Variants in FCHSD2 observed in about 807,000 individuals in gnomAD.
FCHSD2 encodes F-BAR and double SH3 domains protein 2.
FCHSD2 carries 38 observed loss-of-function variants against 108.1 expected under a neutral mutation model. The observed-to-expected ratio is 0.35, with a 90% CI of 0.27 to 0.46. The LOEUF is 0.46. Among genes scored for constraint, FCHSD2 ranks in the 20% least tolerant of loss-of-function variants. The probability of loss-of-function intolerance (pLI) is 1.00; values close to 1 mark genes in which losing one functional copy is unlikely to be tolerated. For missense variants in FCHSD2, 751 were observed against 897.8 expected (o/e 0.84, Z 2.09); for synonymous variants, 279 against 314.7 (o/e 0.89, Z 1.20).
chr11:73,134,322 T>C (rs1206005159), intron 2 of FCHSD2, among the ~76,000 whole-genome samples: 1 of 151,834 alleles, frequency 6.6e-6, no homozygotes, highest in African/African-American at 2.4e-5. Flanking sequence ...AATACAAAAT[T>C]AGCCAGGCAT....
intron 2 of FCHSD2, among the ~76,000 whole-genome samples, chr11:73,120,029 G>C (rs1860694618): frequency 6.6e-6 from 1 of 151,708 alleles, no homozygotes; most frequent in Non-Finnish European, 1.5e-5. Flanking sequence ...AAGGCAAAGA[G>C]GGAATGAGGA....
At chr11:73,126,429 G>A (rs763075956) in intron 2 of FCHSD2, among the ~76,000 whole-genome samples, 3 of 141,160 alleles carry the variant, frequency 2.1e-5, no homozygotes, top group Non-Finnish European at 4.6e-5. Flanking sequence ...TCCCAACTTT[G>A]TGCTACAACC....
intron 19 of FCHSD2, among the ~76,000 whole-genome samples, chr11:72,840,497 G>A (rs542551570): frequency 6.6e-6 from 1 of 152,236 alleles, no homozygotes; most frequent in East Asian, 1.9e-4. Flanking sequence ...AGGCCATGAA[G>A]TTAGCTTATT....
chr11:72,858,845 C>T (rs1221885374), intron 13 of FCHSD2, among the ~76,000 whole-genome samples: 1 of 152,164 alleles, frequency 6.6e-6, no homozygotes, highest in Non-Finnish European at 1.5e-5. Flanking sequence ...TATCAGGGAT[C>T]AGATTTAACC....
At chr11:73,104,647 C>T (rs1649980545) in intron 2 of FCHSD2, among the ~76,000 whole-genome samples, 2 of 152,192 alleles carry the variant, frequency 1.3e-5, no homozygotes, top group South Asian at 4.1e-4. Context: ...CATCTCACTG[C>T]AACCTTCACC....
chr11:73,141,681 G>A (rs1565111064), intron 1 of FCHSD2, among the ~76,000 whole-genome samples, 176 bp downstream of exon 1: 1 of 152,142 alleles, frequency 6.6e-6, no homozygotes, highest in East Asian at 1.9e-4. Context: ...CCCCTCTGTC[G>A]GAAAGGCAAC....
intron 18 of FCHSD2, 108 bp from the exon 19 acceptor site, chr11:72,841,067 C>G (rs1437251767): frequency 5.0e-6 from 4 of 805,170 alleles, no homozygotes; most frequent in Non-Finnish European, 8.3e-6. Context: ...CTTTGGGATA[C>G]TGAGGCGGGA....
chr11:72,908,249 A>T (rs1855676181), intron 9 of FCHSD2, among the ~76,000 whole-genome samples: 1 of 152,170 alleles, frequency 6.6e-6, no homozygotes, highest in Non-Finnish European at 1.5e-5. Context: ...TCCATTGTGT[A>T]TATATACCAC....
intron 3 of FCHSD2, among the ~76,000 whole-genome samples, chr11:73,032,627 A>T (rs1268638696): frequency 2.0e-5 from 3 of 152,012 alleles, no homozygotes; most frequent in African/African-American, 7.2e-5. Flanking sequence ...TCAAGAAGTC[A>T]CCATTTGGTG....
intron 13 of FCHSD2, among the ~76,000 whole-genome samples, chr11:72,866,666 T>C (rs1264794682): frequency 6.6e-6 from 1 of 152,216 alleles, no homozygotes; most frequent in Non-Finnish European, 1.5e-5. Flanking sequence ...TTAACATTAA[T>C]AGTTAAATGA....
At chr11:72,874,116 A>C (rs184593267) in intron 12 of FCHSD2, among the ~76,000 whole-genome samples, 57 of 152,296 alleles carry the variant, frequency 3.7e-4, no homozygotes, top group Middle Eastern at 3.4e-3. Context: ...AATGTGCCTA[A>C]GTTTATCTTT....
chr11:73,000,900 G>T (rs940088615), intron 5 of FCHSD2, 90 bp downstream of exon 5: 2 of 1,176,394 alleles, frequency 1.7e-6, no homozygotes, highest in African/African-American at 3.1e-5. Context: ...GGACCATATA[G>T]TTTTAAATAA....
chr11:72,942,069 G>C (rs1856430617), intron 8 of FCHSD2, among the ~76,000 whole-genome samples: 3 of 152,190 alleles, frequency 2.0e-5, no homozygotes, highest in Admixed American at 2.0e-4. Flanking sequence ...GTCGAAATGT[G>C]ATCTCCAATG....
At chr11:73,102,129 T>A (rs571788739) in intron 2 of FCHSD2, among the ~76,000 whole-genome samples, 25 of 152,364 alleles carry the variant, frequency 1.6e-4, no homozygotes, top group African/African-American at 5.5e-4. Context: ...AGTGAAAAGA[T>A]GCTTAACATC....
intron 13 of FCHSD2, among the ~76,000 whole-genome samples, chr11:72,857,814 C>A (rs942266597): frequency 6.6e-6 from 1 of 152,008 alleles, no homozygotes; most frequent in African/African-American, 2.4e-5. Context: ...TGGGAGCCAT[C>A]TTCTTGTACT....
intron 4 of FCHSD2, among the ~76,000 whole-genome samples, chr11:73,001,415 A>C (rs537806473): frequency 6.6e-6 from 1 of 152,318 alleles, no homozygotes; most frequent in South Asian, 2.1e-4. Flanking sequence ...AAATTAGTGA[A>C]TATTTCAGAC....
At chr11:72,986,102 G>C (rs1197001835) in intron 6 of FCHSD2, among the ~76,000 whole-genome samples, 1 of 152,110 alleles carries the variant, frequency 6.6e-6, no homozygotes, top group African/African-American at 2.4e-5. Context: ...AAAACATTCA[G>C]GGATGAACAC....
chr11:73,115,473 A>G (rs2135551211), intron 2 of FCHSD2, among the ~76,000 whole-genome samples: 1 of 152,292 alleles, frequency 6.6e-6, no homozygotes, highest in Non-Finnish European at 1.5e-5. Flanking sequence ...CTGTTTTTAA[A>G]TGAAAACAAT....
At chr11:73,107,450 G>T (rs1169448759) in intron 2 of FCHSD2, among the ~76,000 whole-genome samples, 2 of 152,152 alleles carry the variant, frequency 1.3e-5, no homozygotes, top group Non-Finnish European at 2.9e-5. Flanking sequence ...AATCACATTA[G>T]AGTAAATGGG....
Sources: allele counts gnomAD v4.1 joint callset (sites outside exome capture counted in the v4.1 genomes callset), GRCh38; gene constraint gnomAD v4.1.1; transcripts MANE v1.5; gene names NCBI Gene and HGNC (gene_info 2026-07-23, HGNC 2026-07-21).